CPQ: variants seen among roughly 807,000 people sequenced by gnomAD.
CPQ encodes carboxypeptidase Q.
In CPQ, 37 loss-of-function variants were observed where a neutral mutation model predicts 45.7. That is an observed-to-expected ratio of 0.81 (90% CI 0.62 to 1.07). The LOEUF (loss-of-function observed/expected upper bound fraction) is 1.07. Ranked by LOEUF, CPQ falls within the 50% of genes least tolerant of loss-of-function variation. CPQ has a pLI of 0.00. For missense variants in CPQ, 537 were observed against 572.9 expected (o/e 0.94, Z 0.64); for synonymous variants, 186 against 205.8 (o/e 0.90, Z 0.82).
chr8:96,705,239 T>C (rs554791025), intron 1 of CPQ, among the ~76,000 whole-genome samples: 45 of 152,318 alleles, frequency 3.0e-4, no homozygotes, highest in Non-Finnish European at 6.0e-4. Context: ...TAATCACTTA[T>C]TTTCTTGTCT....
At position 96,998,225 on chromosome 8, in the gene CPQ, G is replaced by A. The variant is rs183808666; in HGVS notation, c.962-31178G>A. Among the ~76,000 whole-genome samples, 126 of 151,842 alleles carry A rather than the reference G, an allele frequency of 8.3e-4. 1 individual carries two copies. The highest frequency in any genetic ancestry group is 3.0e-3 in the African/African-American group (123 of 41,468). ...AACATCCACTAAAAAATAAAAACAG[G>A]AGTTTATGAAATAACAATTAAGTGG... On this transcript the variant is annotated intron_variant, in intron 5 of 7. Transcript: ENST00000220763.
chr8:96,972,468 T>C (rs1316911729), intron 5 of CPQ, among the ~76,000 whole-genome samples: 2 of 152,176 alleles, frequency 1.3e-5, no homozygotes, highest in Admixed American at 6.5e-5. Context: ...GGGAGCTCTA[T>C]GGCCCTACCT....
chr8:96,749,591 G>A (rs1006007615), intron 1 of CPQ, among the ~76,000 whole-genome samples: 1 of 152,152 alleles, frequency 6.6e-6, no homozygotes, highest in Non-Finnish European at 1.5e-5. Flanking sequence ...TGGAAGGGGA[G>A]CTTTTCTATC....
chr8:96,722,390 A>G (rs1809776296), intron 1 of CPQ, among the ~76,000 whole-genome samples: 1 of 152,118 alleles, frequency 6.6e-6, no homozygotes, highest in African/African-American at 2.4e-5. Flanking sequence ...GCTTTTGTAA[A>G]TAAGGTTTTA....
intron 1 of CPQ, among the ~76,000 whole-genome samples, chr8:96,739,842 C>T (rs1240887530): frequency 1.3e-5 from 2 of 151,236 alleles, no homozygotes; most frequent in Non-Finnish European, 3.0e-5. Context: ...GGTACCAGTA[C>T]CATGCTGTTT....
intron 1 of CPQ, among the ~76,000 whole-genome samples, chr8:96,749,299 C>T (rs542265332): frequency 6.6e-5 from 10 of 152,128 alleles, no homozygotes; most frequent in Non-Finnish European, 1.2e-4. Context: ...CTTTTCTCCA[C>T]GCTCTGGGAA....
chr8:96,881,288 G>C (rs185069166), intron 4 of CPQ, among the ~76,000 whole-genome samples: 6 of 152,260 alleles, frequency 3.9e-5, no homozygotes, highest in Admixed American at 1.3e-4. Context: ...TTCTGGGAAG[G>C]CTTCACAGAG....
chr8:97,122,918 AAAATAAAAT>A lies in CPQ; in HGVS notation c.1256-20089_1256-20081del, dbSNP rs1437919322. Reference sequence around the variant, plus strand: ...AAAATAAAATAAAATAAAATAAAATAAAATAAAATAAATAAAATAAAATAAAATAAAATA... The same window carrying A: ...AAAATAAAATAAAATAAAATAAAATAAAATAAAATAAAATAAAATAAAATA... On this transcript the variant is annotated intron_variant, in intron 7 of 7. Coordinates refer to ENST00000220763, the MANE Select transcript of CPQ (RefSeq NM_016134.4). Among the ~76,000 whole-genome samples the A allele has an allele frequency of 3.4e-3, 223 of 64,658 alleles. 2 individuals are homozygous for A. Among genetic ancestry groups the A allele is most frequent in the African/African-American group, 0.022 (207 of 9,518 alleles). 42.4% of individuals were successfully genotyped at this position (64,658 alleles called of 152,430 possible). A position where few individuals can be genotyped will look rare whatever the true frequency, so the allele number is the denominator to read the frequency against.
chr8:96,883,759 A>T (rs573060863), intron 4 of CPQ, among the ~76,000 whole-genome samples: 451 of 152,272 alleles, frequency 3.0e-3, no homozygotes, highest in Non-Finnish European at 4.0e-3. Flanking sequence ...TGCTTTGATA[A>T]CATTCCCCTC....
chr8:96,873,060 T>C (rs918380750), intron 3 of CPQ, among the ~76,000 whole-genome samples: 1 of 151,870 alleles, frequency 6.6e-6, no homozygotes, highest in African/African-American at 2.4e-5. Context: ...CTTGTGGAGT[T>C]GGCTGCTTTC....
intron 1 of CPQ, among the ~76,000 whole-genome samples, chr8:96,744,107 G>C (rs1001376026): frequency 2.0e-5 from 3 of 152,256 alleles, no homozygotes; most frequent in Non-Finnish European, 4.4e-5. Flanking sequence ...ATCTCAGACT[G>C]CTGTGCTAGC....
chr8:97,103,724 T>A (rs1811354948), intron 7 of CPQ, among the ~76,000 whole-genome samples: 1 of 152,080 alleles, frequency 6.6e-6, no homozygotes, highest in Non-Finnish European at 1.5e-5. Context: ...AGTCAGAGAA[T>A]GGAAAGAAGC....
chr8:96,879,876 A>T lies in CPQ; in HGVS notation c.720A>T (p.Glu240Asp). 1 of 1,614,108 alleles carries T rather than the reference A, an allele frequency of 6.2e-7. No individual in the cohort carries two copies. The highest frequency in any genetic ancestry group is 1.1e-5 in the South Asian group (1 of 91,072). The stretch of plus-strand genomic sequence containing the variant: ...CCTGTATTACGGTGGAAGATGCAGA[A>T]ATGATGTCAAGAATGGCTTCTCATG... ...PTACITVEDA[E>D]MMSRMASHGI... is the part of the protein sequence containing the mutation. The change falls in exon 4 of 8, where the codon GAA becomes GAT. Residue 240 changes from glutamate to aspartate, a missense_variant. Coordinates refer to ENST00000220763, the MANE Select transcript of CPQ (RefSeq NM_016134.4).
chr8:96,656,623 A>G (rs1815641218), intron 1 of CPQ, among the ~76,000 whole-genome samples: 7 of 151,768 alleles, frequency 4.6e-5, no homozygotes, highest in Admixed American at 4.6e-4. Flanking sequence ...GGCAATTCCA[A>G]CCCCTATGAT....
chr8:96,798,196 C>T (rs1477932706), intron 2 of CPQ, among the ~76,000 whole-genome samples: 1 of 151,946 alleles, frequency 6.6e-6, no homozygotes, highest in Non-Finnish European at 1.5e-5. Flanking sequence ...GCAGCACAAT[C>T]ATGGTTCACT....
chr8:96,952,652 A>AG (rs1172609031), intron 4 of CPQ, among the ~76,000 whole-genome samples: 1 of 152,132 alleles, frequency 6.6e-6, no homozygotes, highest in African/African-American at 2.4e-5. Context: ...CTGCAAATAG[A>AG]GAAAAAAGTC....
chr8:97,118,276 T>C (rs1305032737), intron 7 of CPQ, among the ~76,000 whole-genome samples: 4 of 152,070 alleles, frequency 2.6e-5, no homozygotes, highest in Non-Finnish European at 5.9e-5. Context: ...TGTGAAAGGA[T>C]CTAAGACCAG....
chr8:96,724,883 AC>A (rs1240814680), intron 1 of CPQ, among the ~76,000 whole-genome samples: 2 of 152,146 alleles, frequency 1.3e-5, no homozygotes, highest in Non-Finnish European at 2.9e-5. Flanking sequence ...ACAAAAACAG[AC>A]ACATACACCA....
chr8:97,094,061 C>CACATTTT (rs1221980601), intron 7 of CPQ, among the ~76,000 whole-genome samples: 21 of 130,268 alleles, frequency 1.6e-4, no homozygotes, highest in Non-Finnish European at 2.1e-4. Context: ...AACCTCCTTG[C>CACATTTT]ACATTTTTTC....
Sources: allele counts gnomAD v4.1 joint callset (sites outside exome capture counted in the v4.1 genomes callset), GRCh38; gene constraint gnomAD v4.1.1; transcripts MANE v1.5; gene names NCBI Gene and HGNC (gene_info 2026-07-23, HGNC 2026-07-21).